The following SATB2 variants were observed in gnomAD, a reference collection of about 807,000 sequenced individuals.
The protein encoded by SATB2 is DNA-binding protein SATB2.
Under a neutral mutation model 73.4 loss-of-function variants are expected in SATB2, and 1 was observed. The ratio of observed to expected loss-of-function variants is 0.01; its 90% CI spans 0.00 to 0.06. The LOEUF is 0.06. Among genes scored for constraint, SATB2 ranks in the 10% least tolerant of loss-of-function variants. SATB2 has a pLI of 1.00. For synonymous variants in SATB2, 397 were observed against 367.0 expected (o/e 1.08, Z -0.93); for missense variants, 459 against 945.8 (o/e 0.49, Z 6.75).
intron 8 of SATB2, chr2:199,325,319 A>G (rs1291952573): frequency 2.0e-5 from 3 of 152,222 alleles, no homozygotes; most frequent in Non-Finnish European, 2.9e-5. Context: ...ACAGATGAAG[A>G]AACTGAAATA....
chr2:199,340,592 G>A (rs1286759344), intron 7 of SATB2, among the ~76,000 whole-genome samples: 1 of 152,100 alleles, frequency 6.6e-6, no homozygotes, highest in East Asian at 1.9e-4. Context: ...ATGTGCTAGA[G>A]GCAGAAAAAA....
intron 7 of SATB2, among the ~76,000 whole-genome samples, chr2:199,345,696 G>A (rs34119395): frequency 0.17 from 26,208 of 152,008 alleles, 2,800 homozygotes; most frequent in Middle Eastern, 0.24. Context: ...ACCCTCCCCA[G>A]CAGCCTAGTT....
chr2:199,284,694 A>G (rs1692632691), intron 10 of SATB2, among the ~76,000 whole-genome samples: 1 of 152,186 alleles, frequency 6.6e-6, no homozygotes, highest in African/African-American at 2.4e-5. Flanking sequence ...TGAAATAAAT[A>G]TATCATTTAC....
chr2:199,390,508 C>T (rs1049388993), intron 3 of SATB2, among the ~76,000 whole-genome samples: 1 of 152,106 alleles, frequency 6.6e-6, no homozygotes, highest in African/African-American at 2.4e-5. Flanking sequence ...TTCGGAAATA[C>T]ATTTGCATAA....
chr2:199,425,113 A>T lies in SATB2; in HGVS notation c.346+8225T>A, dbSNP rs569203846. On this transcript the variant is annotated intron_variant, in intron 3 of 10. Transcript: ENST00000417098. ...GAACAAAAAATTAAACATGATATAT[A>T]TCATATCAGAGTACCACAAATTTTA... Among the ~76,000 whole-genome samples the T allele has an allele frequency of 1.2e-4, 19 of 152,378 alleles. No homozygotes were observed. In the East Asian group the frequency reaches 3.5e-3, roughly 28 times the overall value.
chr2:199,447,704 T>C (rs540677724), intron 2 of SATB2, among the ~76,000 whole-genome samples: 7 of 152,322 alleles, frequency 4.6e-5, no homozygotes, highest in African/African-American at 1.7e-4. Context: ...CCACTTTCCA[T>C]GGGCTCCTCT....
rs749887299 is a variant in SATB2, at chr2:199,374,283, C to A, written c.598-5576G>T. 2.6e-5 allele frequency among the ~76,000 whole-genome samples: 4 copies of A among 152,312 alleles called. No individual in the cohort carries two copies. In the South Asian group the frequency reaches 8.3e-4, roughly 32 times the overall value. On this transcript the variant is annotated intron_variant, in intron 5 of 10. Transcript: ENST00000417098. Reference sequence around the variant, plus strand: ...CAGAGCTGCTTCAAAAACATGTCTACACGCTAAGTAAAGTAAACCAGCACA... The same window carrying A: ...CAGAGCTGCTTCAAAAACATGTCTAAACGCTAAGTAAAGTAAACCAGCACA...
intron 10 of SATB2, among the ~76,000 whole-genome samples, chr2:199,281,480 T>TACACACAC (rs770015505): frequency 1.8e-3 from 27 of 15,118 alleles, no homozygotes; most frequent in East Asian, 0.015. Context: ...ATATGAGATA[T>TACACACAC]ATACACACAC....
At chr2:199,344,729 T>C (rs765914941) in intron 7 of SATB2, among the ~76,000 whole-genome samples, 55 of 152,258 alleles carry the variant, frequency 3.6e-4, no homozygotes, top group Non-Finnish European at 5.0e-4. Flanking sequence ...GCTGTGAACT[T>C]CCCAAATCCT....
intron 7 of SATB2, among the ~76,000 whole-genome samples, chr2:199,340,547 C>T (rs887259278): frequency 1.3e-5 from 2 of 151,990 alleles, no homozygotes; most frequent in African/African-American, 4.8e-5. Context: ...AGCTGAGACA[C>T]AAAATGAGCC....
intron 8 of SATB2, among the ~76,000 whole-genome samples, chr2:199,326,975 T>G (rs1192538097): frequency 6.6e-6 from 1 of 152,168 alleles, no homozygotes; most frequent in African/African-American, 2.4e-5. Context: ...TTAAAATGTG[T>G]GAAAAAATGG....
At chr2:199,422,361 C>T (rs1691198671) in intron 3 of SATB2, among the ~76,000 whole-genome samples, 1 of 151,096 alleles carries the variant, frequency 6.6e-6, no homozygotes, top group Non-Finnish European at 1.5e-5. Flanking sequence ...CAAATTTAAA[C>T]TTTATAAGTT....
chr2:199,412,572 G>A (rs959770058), intron 3 of SATB2, among the ~76,000 whole-genome samples: 7 of 152,134 alleles, frequency 4.6e-5, no homozygotes, highest in African/African-American at 1.7e-4. Flanking sequence ...TTTTTCCTAT[G>A]TGTCTTTGTC....
rs75747106 is a variant in SATB2, at chr2:199,333,048, A to G, written c.1174-4138T>C. Among the ~76,000 whole-genome samples, 579 of 152,178 alleles carry G rather than the reference A, an allele frequency of 3.8e-3. 3 individuals carry two copies. Among genetic ancestry groups the G allele is most frequent in the African/African-American group, 0.014 (565 of 41,538 alleles). On this transcript the variant is annotated intron_variant, in intron 7 of 10. Transcript: ENST00000417098. Reference sequence around the variant, plus strand: ...TCTTTACGGCTCTCAGACCATAGGTAACTCCCTAGGATTAGGCTATATCTC... The same window carrying G: ...TCTTTACGGCTCTCAGACCATAGGTGACTCCCTAGGATTAGGCTATATCTC...
chr2:199,285,623 A>G (rs1219001344), intron 10 of SATB2, among the ~76,000 whole-genome samples: 1 of 152,060 alleles, frequency 6.6e-6, no homozygotes, highest in South Asian at 2.1e-4. Context: ...CAAATTGCAG[A>G]CTACAGGTGT....
chr2:199,281,521 C>T (rs1559140447), intron 10 of SATB2, among the ~76,000 whole-genome samples: 1 of 151,332 alleles, frequency 6.6e-6, no homozygotes, highest in Non-Finnish European at 1.5e-5. Context: ...AAAGTAACAA[C>T]AATTGGTTGA....
intron 3 of SATB2, among the ~76,000 whole-genome samples, chr2:199,429,256 G>A (rs953674527): frequency 6.6e-6 from 1 of 152,070 alleles, no homozygotes; most frequent in Admixed American, 6.5e-5. Context: ...AATTCATGAA[G>A]GAAGTAAAAT....
chr2:199,408,499 G>T (rs1316826711), intron 3 of SATB2, among the ~76,000 whole-genome samples: 2 of 152,096 alleles, frequency 1.3e-5, no homozygotes, highest in Admixed American at 6.5e-5. Context: ...ATAAGTTCGT[G>T]TCAGAGGGAC....
intron 10 of SATB2, among the ~76,000 whole-genome samples, chr2:199,306,355 C>T (rs138382819): frequency 1.3e-5 from 2 of 152,164 alleles, no homozygotes; most frequent in African/African-American, 4.8e-5. Flanking sequence ...ATAGGCATAA[C>T]GTTAAAGAAA....
Sources: allele counts gnomAD v4.1 joint callset (sites outside exome capture counted in the v4.1 genomes callset), GRCh38; gene constraint gnomAD v4.1.1; transcripts MANE v1.5; gene names NCBI Gene and HGNC (gene_info 2026-07-23, HGNC 2026-07-21).